Variants in SMG7 observed in about 807,000 individuals in gnomAD.
SMG7 encodes SMG7 nonsense mediated mRNA decay factor.
SMG7 carries 34 observed loss-of-function variants against 148.2 expected under a neutral mutation model. That is an observed-to-expected ratio of 0.23 (90% CI 0.17 to 0.31). The LOEUF (loss-of-function observed/expected upper bound fraction) is 0.31, where lower values mean the gene tolerates loss of function less well. Among genes scored for constraint, SMG7 ranks in the 10% least tolerant of loss-of-function variants. The probability of loss-of-function intolerance (pLI) is 1.00; values close to 1 mark genes in which losing one functional copy is unlikely to be tolerated. For missense variants in SMG7, 1,114 were observed against 1,408.4 expected (o/e 0.79, Z 3.35); for synonymous variants, 492 against 515.1 (o/e 0.96, Z 0.61).
Position 183,553,735 on chromosome 1 carries a change from TCTC to T in SMG7, c.*1805_*1807del. 6.5e-6 allele frequency: 1 copy of T among 154,190 alleles called. No homozygotes were observed. The allele number at this position is 154,190 out of a possible 1,614,324, so 9.6% of individuals were successfully genotyped here. ...ATGGCAATATGAAACCTTTTGTGCT[TCTC>T]TTCAGCCCCTTCCCTGTGTCCACCT... On this transcript the variant is annotated 3_prime_UTR_variant, in exon 23 of 23. Transcript: ENST00000688051.
intron 16 of SMG7, 59 bp downstream of exon 16, chr1:183,545,371 T>C: frequency 6.5e-7 from 1 of 1,544,838 alleles, no homozygotes; most frequent in Non-Finnish European, 8.7e-7. Context: ...TGCTGAAAGA[T>C]TCAATGTTAG....
At chr1:183,538,088 G>A (rs1015417942) in intron 11 of SMG7, among the ~76,000 whole-genome samples, 1 of 151,998 alleles carries the variant, frequency 6.6e-6, no homozygotes, top group Admixed American at 6.6e-5. Flanking sequence ...CTAAACATTG[G>A]GCTTACTGGA....
chr1:183,509,269 G>T (rs1017979744), intron 1 of SMG7, among the ~76,000 whole-genome samples: 1 of 152,156 alleles, frequency 6.6e-6, no homozygotes, highest in Admixed American at 6.5e-5. Flanking sequence ...AAAAATTTCA[G>T]ATATAATCTA....
Position 183,551,821 on chromosome 1 carries a change from A to G in SMG7, c.3454A>G (p.Ile1152Val), listed in dbSNP as rs779569969. The G allele has an allele frequency of 1.6e-5, 26 of 1,608,694 alleles. No individual in the cohort carries two copies. The highest frequency in any genetic ancestry group is 5.5e-5 in the South Asian group (5 of 90,344). Residue 1152 changes from isoleucine to valine, a missense_variant, in exon 23 of 23, where the codon ATC (isoleucine) becomes GTC (valine). Physicochemically the swap from Ile to Val is conservative, Grantham distance 29. This residue lies in a region of SMG7 where 788 missense variants were observed against 894.5 expected (regional missense o/e 0.88). Transcript: ENST00000688051. The part of the protein sequence containing the change: ...SAVLMESLKS[I>V]WSSSMMHPGP... ...CAAGATCTGGACTGTTTTTCAGTCTATCTGGTCCAGTTCCATGATGCATCC... is the reference window on the plus strand; with the variant it reads ...CAAGATCTGGACTGTTTTTCAGTCTGTCTGGTCCAGTTCCATGATGCATCC...
At chr1:183,477,734 A>G (rs1231444086) in intron 1 of SMG7, among the ~76,000 whole-genome samples, 1 of 150,050 alleles carries the variant, frequency 6.7e-6, no homozygotes, top group African/African-American at 2.5e-5. Flanking sequence ...GTATATATGC[A>G]TATATACATG....
At chr1:183,492,371 G>C (rs988150177) in intron 1 of SMG7, among the ~76,000 whole-genome samples, 22 of 152,244 alleles carry the variant, frequency 1.4e-4, no homozygotes, top group African/African-American at 5.3e-4. Flanking sequence ...CATAAATGTA[G>C]AAATAGGTGA....
intron 8 of SMG7, among the ~76,000 whole-genome samples, chr1:183,531,282 A>G (rs946369503): frequency 1.3e-5 from 2 of 152,122 alleles, no homozygotes; most frequent in African/African-American, 4.8e-5. Context: ...TAAGGGATTT[A>G]AGGCCTGGGA....
At chr1:183,528,747 T>TAA (rs1282710350) in intron 6 of SMG7, 145 bp from the exon 7 acceptor site, 1 of 674,714 alleles carries the variant, frequency 1.5e-6, no homozygotes, top group African/African-American at 1.8e-5. Context: ...TGTTGGACCT[T>TAA]ACGCTGGTTT....
rs1404228900 is a variant in SMG7, at chr1:183,542,252, G to T, written c.1592G>T (p.Arg531Leu). The T allele has an allele frequency of 6.2e-7, 1 of 1,613,936 alleles. No individual in the cohort carries two copies. The highest frequency in any genetic ancestry group is 2.2e-5 in the East Asian group (1 of 44,888). The stretch of plus-strand genomic sequence containing the variant: ...CTAAAATCAGTGCTATCTACAAGCC[G>T]AAATTTAAGCAACAACTGTGACACA... ...PGLKSVLSTS[R>L]NLSNNCDTGE... The change falls in exon 14 of 23, where the codon CGA becomes CTA. Residue 531 changes from arginine to leucine, a missense_variant. Around this residue, in one of 4 missense-constraint regions of SMG7, gnomAD observed 788 missense variants for 894.5 expected, o/e 0.88. Coordinates refer to ENST00000688051, the MANE Select transcript of SMG7 (RefSeq NM_001375584.1).
At chr1:183,514,029 CAAA>C (rs1035651769) in intron 2 of SMG7, among the ~76,000 whole-genome samples, 5 of 41,316 alleles carry the variant, frequency 1.2e-4, no homozygotes, top group African/African-American at 1.5e-4. Flanking sequence ...GACTCCGTCT[CAAA>C]AAAAAAAAAA....
intron 3 of SMG7, among the ~76,000 whole-genome samples, chr1:183,516,470 A>G (rs1392897967): frequency 6.6e-6 from 1 of 152,180 alleles, no homozygotes; most frequent in Non-Finnish European, 1.5e-5. Context: ...CCCTACCCCC[A>G]ATAAAATGAA....
At chr1:183,524,261 C>T (rs1242778191) in intron 4 of SMG7, among the ~76,000 whole-genome samples, 1 of 151,800 alleles carries the variant, frequency 6.6e-6, no homozygotes, top group African/African-American at 2.4e-5. Flanking sequence ...TTTTTTGTTT[C>T]ACTTTATTTT....
intron 11 of SMG7, 56 bp downstream of exon 11, chr1:183,537,271 C>A: frequency 2.4e-6 from 3 of 1,253,150 alleles, no homozygotes; most frequent in Non-Finnish European, 3.5e-6. Flanking sequence ...TTAATGGTGG[C>A]TTAATGCCAG....
At chr1:183,551,734 CT>C (rs1355426959) in intron 22 of SMG7, 83 bp from the exon 23 acceptor site, 5 of 1,085,100 alleles carry the variant, frequency 4.6e-6, no homozygotes, top group African/African-American at 3.2e-5. Flanking sequence ...ATATATATGC[CT>C]TTATATTTGG....
intron 16 of SMG7, 56 bp from the exon 17 acceptor site, chr1:183,545,910 A>C: frequency 6.6e-7 from 1 of 1,517,854 alleles, no homozygotes; most frequent in Non-Finnish European, 8.8e-7. Context: ...TTTAGCATTC[A>C]TTATAAGTAA....
Position 183,515,923 on chromosome 1 carries a change from G to A in SMG7, c.111G>A (p.Gln37=). 1 of 1,613,644 alleles carries A rather than the reference G, an allele frequency of 6.2e-7. No homozygotes were observed. The change falls in exon 3 of 23, where the codon CAG becomes CAA. Residue 37 remains glutamine (Q), a synonymous_variant. Coordinates refer to ENST00000688051, the MANE Select transcript of SMG7 (RefSeq NM_001375584.1). ...AEVWTSRQAL[Q]DLYQKMLVTD... is the part of the protein sequence containing the mutation. Reference sequence around the variant, plus strand: ...TCTGGACATCCAGGCAGGCTCTGCAGGACCTGTACCAGAAAATGCTAGTTA... The same window carrying A: ...TCTGGACATCCAGGCAGGCTCTGCAAGACCTGTACCAGAAAATGCTAGTTA...
At position 183,524,681 on chromosome 1, in the gene SMG7, C is replaced by T. The variant is rs147225973; in HGVS notation, c.313-1915C>T. Among the ~76,000 whole-genome samples, 29 of 152,166 alleles carry T rather than the reference C, an allele frequency of 1.9e-4. No individual in the cohort carries two copies. The East Asian group carries it at 5.2e-3, about 27-fold the overall frequency. On this transcript the variant is annotated intron_variant, in intron 4 of 22. Transcript: ENST00000688051. The stretch of plus-strand genomic sequence containing the variant: ...AATCAAAATATTTCTAATTCTATAA[C>T]CTTAGTCCAGTCGCTTGATTATTTC...
Position 183,549,865 on chromosome 1 carries a change from A to G in SMG7, c.3075A>G (p.Thr1025=). The G allele has an allele frequency of 1.2e-6, 2 of 1,613,926 alleles. No individual in the cohort carries two copies. The highest frequency in any genetic ancestry group is 1.7e-6 in the Non-Finnish European group (2 of 1,179,850). The change falls in exon 20 of 23, where the codon ACA becomes ACG. Residue 1025 remains threonine (T), a synonymous_variant. Coordinates refer to ENST00000688051, the MANE Select transcript of SMG7 (RefSeq NM_001375584.1). ...ELSPSMAPQE[T]SLYSLFEGTP... ...GTCCCTCAATGGCCCCCCAGGAAACATCTCTGTATTCCCTTTTTGAAGGGA... is the reference window on the plus strand; with the variant it reads ...GTCCCTCAATGGCCCCCCAGGAAACGTCTCTGTATTCCCTTTTTGAAGGGA...
At chr1:183,538,643 A>T (rs1668218385) in intron 12 of SMG7, among the ~76,000 whole-genome samples, 1 of 152,148 alleles carries the variant, frequency 6.6e-6, no homozygotes, top group Non-Finnish European at 1.5e-5. Flanking sequence ...ATTAAAATGT[A>T]ACCTTTCCAT....
Sources: gnomAD v4.1 joint callset for allele counts (sites outside exome capture counted in the v4.1 genomes callset) on GRCh38, gnomAD v4.1.1 for gene constraint, gnomAD v4.1.1 regional missense constraint, MANE v1.5 for transcripts, NCBI Gene and HGNC (gene_info 2026-07-23, HGNC 2026-07-21) for gene names.